Variants in SPATA6 observed in about 807,000 individuals in gnomAD.
SPATA6 encodes the protein spermatogenesis associated 6, also known as spermatogenesis-associated protein 6.
A neutral mutation model predicts 65.3 loss-of-function variants in SPATA6; 56 were observed. The ratio of observed to expected loss-of-function variants is 0.86; its 90% CI spans 0.69 to 1.07. The LOEUF is 1.07. Ranked by LOEUF, SPATA6 falls within the 50% of genes least tolerant of loss-of-function variation. SPATA6 has a pLI of 0.00. For synonymous variants in SPATA6, 199 were observed against 213.2 expected (o/e 0.93, Z 0.58); for missense variants, 590 against 594.8 (o/e 0.99, Z 0.08).
intron 10 of SPATA6, among the ~76,000 whole-genome samples, chr1:48,357,317 G>C (rs948783235): frequency 7.2e-5 from 11 of 152,034 alleles, no homozygotes; most frequent in African/African-American, 2.4e-4. Flanking sequence ...AACCAAAATT[G>C]AAACCATTTT....
intron 3 of SPATA6, among the ~76,000 whole-genome samples, chr1:48,435,382 ACT>A (rs889351272): frequency 6.6e-6 from 1 of 151,396 alleles, no homozygotes; most frequent in Non-Finnish European, 1.5e-5. Flanking sequence ...ACCAATCAGC[ACT>A]CTGTCTAGCT....
intron 11 of SPATA6, among the ~76,000 whole-genome samples, chr1:48,322,549 A>G (rs1218926935): frequency 2.0e-5 from 3 of 152,258 alleles, no homozygotes; most frequent in African/African-American, 4.8e-5. Flanking sequence ...CAATGGCAAC[A>G]AAAGCCAAAA....
chr1:48,442,717 T>TAAAAAAAAAAAAAAAAAAA (rs71056669), intron 3 of SPATA6, among the ~76,000 whole-genome samples: 5 of 46,218 alleles, frequency 1.1e-4, no homozygotes, highest in African/African-American at 4.6e-4. Flanking sequence ...ATGGAAGTAG[T>TAAAAAAAAAAAAAAAAAAA]AAAAAAAAAA....
intron 9 of SPATA6, 74 bp downstream of exon 9, chr1:48,385,234 AC>A: frequency 8.0e-7 from 1 of 1,255,164 alleles, no homozygotes; most frequent in Admixed American, 2.6e-5. Context: ...TATCTGATAT[AC>A]ATATATATGA....
In SPATA6 at chr1:48,439,285, C is replaced by T. The variant is rs918745160; in HGVS notation, c.238+12267G>A. Among the ~76,000 whole-genome samples the T allele has an allele frequency of 5.9e-5, 9 of 152,294 alleles. No individual in the cohort carries two copies. The South Asian group carries it at 1.2e-3, about 21-fold the overall frequency. ...GTAAGGGCCACTAAATCTGACCTTC[C>T]TCAGTCCTCCTTGTGGTCTAAGGAG... On this transcript the variant is annotated intron_variant, in intron 3 of 12. Transcript: ENST00000371847.
chr1:48,332,622 A>G (rs1045662868), intron 11 of SPATA6, among the ~76,000 whole-genome samples: 6 of 152,206 alleles, frequency 3.9e-5, no homozygotes, highest in Non-Finnish European at 8.8e-5. Flanking sequence ...CCACAGAATA[A>G]TAGTGGAGAC....
Position 48,366,708 on chromosome 1 carries a change from A to G in SPATA6, c.910-6938T>C, listed in dbSNP as rs572803051. ...TCTTTTCTTCTTTATTAATGTTGCT[A>G]GCGGTCTATCAATTTTGTTGATCTT... On this transcript the variant is annotated intron_variant, in intron 9 of 12. Transcript: ENST00000371847. Among the ~76,000 whole-genome samples, 5 of 152,104 alleles carry G rather than the reference A, an allele frequency of 3.3e-5. No individual in the cohort carries two copies. In the South Asian group the frequency reaches 1.0e-3, roughly 32 times the overall value.
chr1:48,278,117 G>C, the SPATA6 span, among the ~76,000 whole-genome samples: 4 of 152,158 alleles, frequency 2.6e-5, no homozygotes, highest in East Asian at 7.7e-4. Context: ...CTGCAGCTGA[G>C]GGTCCTGTCT....
intron 3 of SPATA6, among the ~76,000 whole-genome samples, chr1:48,419,912 T>C (rs1653160910): frequency 6.6e-6 from 1 of 152,190 alleles, no homozygotes; most frequent in Non-Finnish European, 1.5e-5. Context: ...GTCATGAGAA[T>C]CTATCCATCT....
At chr1:48,424,063 C>T (rs1406489849) in intron 3 of SPATA6, among the ~76,000 whole-genome samples, 1 of 152,080 alleles carries the variant, frequency 6.6e-6, no homozygotes, top group Non-Finnish European at 1.5e-5. Context: ...TATAGTCACC[C>T]AATTGTGCTA....
At chr1:48,456,509 AAG>A (rs1253053504) in intron 1 of SPATA6, among the ~76,000 whole-genome samples, 2 of 151,904 alleles carry the variant, frequency 1.3e-5, no homozygotes, top group Non-Finnish European at 2.9e-5. Flanking sequence ...GGAAAAAAAA[AAG>A]AGCAGTCAAT....
At chr1:48,376,686 T>C (rs1016168937) in intron 9 of SPATA6, among the ~76,000 whole-genome samples, 1 of 152,120 alleles carries the variant, frequency 6.6e-6, no homozygotes, top group African/African-American at 2.4e-5. Flanking sequence ...ACAATGGCGA[T>C]ACCTTCTGAG....
chr1:48,369,281 C>T (rs191962076), intron 9 of SPATA6, among the ~76,000 whole-genome samples: 1 of 152,296 alleles, frequency 6.6e-6, no homozygotes, highest in Non-Finnish European at 1.5e-5. Flanking sequence ...CTCAGATCTC[C>T]AGCTGCGTGC....
intron 1 of SPATA6, among the ~76,000 whole-genome samples, chr1:48,470,222 G>T (rs924495706): frequency 6.6e-6 from 1 of 152,132 alleles, no homozygotes; most frequent in Non-Finnish European, 1.5e-5. Flanking sequence ...TTACAACAGA[G>T]TACTTCCTCT....
chr1:48,385,700 C>A (rs970358192), intron 8 of SPATA6, among the ~76,000 whole-genome samples: 1 of 152,102 alleles, frequency 6.6e-6, no homozygotes, highest in Non-Finnish European at 1.5e-5. Flanking sequence ...ACAGATTTGA[C>A]AGATATTGTC....
At chr1:48,377,674 G>A (rs1226048846) in intron 9 of SPATA6, among the ~76,000 whole-genome samples, 3 of 152,108 alleles carry the variant, frequency 2.0e-5, no homozygotes, top group Non-Finnish European at 4.4e-5. Context: ...GTGCAGAGAC[G>A]ATTTCTAGTT....
chr1:48,452,252 C>G (rs899738165), intron 2 of SPATA6, among the ~76,000 whole-genome samples: 1 of 149,836 alleles, frequency 6.7e-6, no homozygotes, highest in East Asian at 1.9e-4. Flanking sequence ...GGAAGGAAGG[C>G]GAGAAGGAAG....
At chr1:48,406,994 A>T (rs912426932) in intron 5 of SPATA6, among the ~76,000 whole-genome samples, 4 of 152,234 alleles carry the variant, frequency 2.6e-5, no homozygotes, top group Non-Finnish European at 5.9e-5. Context: ...CAGGGCAACA[A>T]ACTACTGATT....
At position 48,411,583 on chromosome 1, in the gene SPATA6, C is replaced by A; in HGVS notation, c.286G>T (p.Glu96Ter). 6.3e-7 allele frequency: 1 copy of A among 1,583,704 alleles called. No homozygotes were observed. The highest frequency in any genetic ancestry group is 1.2e-5 in the South Asian group (1 of 82,850). Residue 96 changes from glutamate to a stop codon, truncating the protein, a stop_gained, in exon 5 of 13, where the codon GAA becomes TAA. Coordinates refer to ENST00000371847, the MANE Select transcript of SPATA6 (RefSeq NM_019073.4). LOFTEE classifies it high-confidence loss of function. The stretch of plus-strand genomic sequence containing the variant: ...TTTTCGTCATACGTAGACAGTGTTT[C>A]ACCCACTACAAGAAAGATACCCTAT... ...ELIQLVPPVGETLSTYDENTR... is the reference protein window; with the variant it reads ...ELIQLVPPVG
Sources: gnomAD v4.1 joint callset for allele counts (sites outside exome capture counted in the v4.1 genomes callset) on GRCh38, gnomAD v4.1.1 for gene constraint, MANE v1.5 for transcripts, NCBI Gene and HGNC (gene_info 2026-07-23, HGNC 2026-07-21) for gene names.